The following PLA2G4A variants were observed in gnomAD, a reference collection of about 807,000 sequenced individuals.
PLA2G4A encodes phospholipase A2 group IVA.
PLA2G4A carries 40 observed loss-of-function variants against 81.9 expected under a neutral mutation model. The observed-to-expected ratio is 0.49, with a 90% CI of 0.38 to 0.64. PLA2G4A has a LOEUF of 0.64. PLA2G4A is among the 30% of genes least tolerant of loss of function. The pLI is 0.00. For missense variants in PLA2G4A, 715 were observed against 905.1 expected, an observed-to-expected ratio of 0.79 and a Z score of 2.69; for synonymous variants, 302 against 296.9, an observed-to-expected ratio of 1.02 and a Z score of -0.18.
At chr1:186,857,449 A>G in intron 2 of PLA2G4A, among the ~76,000 whole-genome samples, 1 of 131,904 alleles carries the variant, frequency 7.6e-6, no homozygotes, top group Middle Eastern at 3.6e-3. Flanking sequence ...ATATAATATA[A>G]TATATAATAT....
intron 1 of PLA2G4A, among the ~76,000 whole-genome samples, chr1:186,845,271 T>C (rs1435242358): frequency 2.0e-5 from 3 of 152,044 alleles, no homozygotes; most frequent in Non-Finnish European, 4.4e-5. Context: ...CTTGCATGAG[T>C]TGAGGCAGTT....
intron 14 of PLA2G4A, among the ~76,000 whole-genome samples, chr1:186,958,991 C>T (rs1223146360): frequency 1.3e-5 from 2 of 151,996 alleles, no homozygotes; most frequent in African/African-American, 2.4e-5. Flanking sequence ...CAAATTAAAC[C>T]GGGCATCCTG....
At chr1:186,902,954 C>G (rs767438775) in intron 5 of PLA2G4A, among the ~76,000 whole-genome samples, 29 of 151,218 alleles carry the variant, frequency 1.9e-4, no homozygotes, top group Non-Finnish European at 2.8e-4. Context: ...TTTAAACATG[C>G]AGAATTTATT....
intron 12 of PLA2G4A, among the ~76,000 whole-genome samples, chr1:186,948,906 C>T (rs1405651386): frequency 6.6e-6 from 1 of 152,072 alleles, no homozygotes; most frequent in Non-Finnish European, 1.5e-5. Context: ...ACCAAGAGGA[C>T]TCTGAGGACT....
chr1:186,861,327 G>A (rs879918467), intron 2 of PLA2G4A, among the ~76,000 whole-genome samples: 31 of 152,288 alleles, frequency 2.0e-4, no homozygotes, highest in Admixed American at 7.9e-4. Context: ...TCTCAAGGCT[G>A]TGCAGTCTCT....
At chr1:186,924,120 A>G (rs1655460659) in intron 7 of PLA2G4A, among the ~76,000 whole-genome samples, 1 of 152,228 alleles carries the variant, frequency 6.6e-6, no homozygotes, top group South Asian at 2.1e-4. Flanking sequence ...AGATTTTCCC[A>G]GATCACTCTC....
At chr1:186,853,932 C>A (rs955276515) in intron 1 of PLA2G4A, among the ~76,000 whole-genome samples, 2 of 151,854 alleles carry the variant, frequency 1.3e-5, no homozygotes, top group African/African-American at 4.8e-5. Context: ...AAAACAATGA[C>A]ATGTGGCTTA....
At chr1:186,833,968 A>G (rs1306652443) in intron 1 of PLA2G4A, among the ~76,000 whole-genome samples, 2 of 152,178 alleles carry the variant, frequency 1.3e-5, no homozygotes, top group Non-Finnish European at 2.9e-5. Flanking sequence ...TTTTTGGCAC[A>G]TGCAGTTGTG....
intron 6 of PLA2G4A, among the ~76,000 whole-genome samples, chr1:186,907,769 G>T (rs1654793052): frequency 6.6e-6 from 1 of 152,168 alleles, no homozygotes; most frequent in South Asian, 2.1e-4. Context: ...TTTGTTTATT[G>T]TATTTTGATC....
chr1:186,975,986 T>C (rs1657516180), intron 15 of PLA2G4A, among the ~76,000 whole-genome samples: 1 of 152,216 alleles, frequency 6.6e-6, no homozygotes, highest in Admixed American at 6.5e-5. Context: ...CTCTTATGCT[T>C]AGAACATAAC....
intron 2 of PLA2G4A, among the ~76,000 whole-genome samples, chr1:186,865,098 A>G (rs1014032100): frequency 4.7e-5 from 7 of 148,588 alleles, no homozygotes; most frequent in African/African-American, 1.7e-4. Context: ...ATACATATAT[A>G]TATATATAAA....
intron 1 of PLA2G4A, among the ~76,000 whole-genome samples, chr1:186,843,153 TA>T (rs1652049070): frequency 6.6e-6 from 1 of 152,164 alleles, no homozygotes; most frequent in African/African-American, 2.4e-5. Context: ...CTGTTTTTTT[TA>T]ATCTCAAAAG....
intron 17 of PLA2G4A, among the ~76,000 whole-genome samples, chr1:186,982,409 T>C (rs1657751090): frequency 6.6e-6 from 1 of 152,196 alleles, no homozygotes; most frequent in African/African-American, 2.4e-5. Flanking sequence ...TAGTAGTGAA[T>C]GTTTAATTGG....
chr1:186,879,024 A>G (rs181790186), intron 3 of PLA2G4A, among the ~76,000 whole-genome samples: 1 of 151,980 alleles, frequency 6.6e-6, no homozygotes, highest in East Asian at 1.9e-4. Flanking sequence ...ATATCTTAAT[A>G]TTATAAAATC....
intron 14 of PLA2G4A, among the ~76,000 whole-genome samples, chr1:186,961,767 A>G (rs1656954344): frequency 6.6e-6 from 1 of 152,192 alleles, no homozygotes; most frequent in African/African-American, 2.4e-5. Flanking sequence ...AAGCCAAAAA[A>G]TTTTATGAAT....
Position 186,845,213 on chromosome 1 carries a change from A to AAAAC in PLA2G4A, c.-69-9057_-69-9054dup, listed in dbSNP as rs200913442. Reference sequence around the variant, plus strand: ...CAGAGTGAGACTCCATCAAAAAAACAAAACAAACAAACAAACAAAAACTCT... The same window carrying AAAAC: ...CAGAGTGAGACTCCATCAAAAAAACAAAACAAACAAACAAACAAACAAAAACTCT... On this transcript the variant is annotated intron_variant, in intron 1 of 17. Coordinates refer to ENST00000367466, the MANE Select transcript of PLA2G4A (RefSeq NM_024420.3). Among the ~76,000 whole-genome samples the AAAAC allele has an allele frequency of 7.3e-3, 1,106 of 152,218 alleles. 6 individuals are homozygous for AAAAC. The highest frequency in any genetic ancestry group is 0.02 in the Middle Eastern group (6 of 294).
chr1:186,914,814 G>A (rs1017608367), intron 7 of PLA2G4A, among the ~76,000 whole-genome samples: 1 of 151,838 alleles, frequency 6.6e-6, no homozygotes, highest in Non-Finnish European at 1.5e-5. Context: ...AAGACAATAT[G>A]AGGGGTGGTC....
intron 2 of PLA2G4A, among the ~76,000 whole-genome samples, chr1:186,864,971 T>C (rs1157203706): frequency 6.6e-6 from 1 of 151,058 alleles, no homozygotes; most frequent in Admixed American, 6.6e-5. Flanking sequence ...GGTTTGGTGG[T>C]GTGTGCTTGT....
intron 9 of PLA2G4A, among the ~76,000 whole-genome samples, chr1:186,939,662 T>C (rs1279427989): frequency 6.6e-6 from 1 of 152,176 alleles, no homozygotes; most frequent in South Asian, 2.1e-4. Context: ...TGATGTTTCG[T>C]TGAAGATAAA....
Sources: allele counts gnomAD v4.1 joint callset (sites outside exome capture counted in the v4.1 genomes callset), GRCh38; gene constraint gnomAD v4.1.1; transcripts MANE v1.5; gene names NCBI Gene and HGNC (gene_info 2026-07-23, HGNC 2026-07-21).